Variants in PHTF2 observed in about 807,000 individuals in gnomAD.
PHTF2 encodes the protein putative homeodomain transcription factor 2.
A neutral mutation model predicts 101.2 loss-of-function variants in PHTF2; 60 were observed. The ratio of observed to expected loss-of-function variants is 0.59; its 90% CI spans 0.48 to 0.73. The LOEUF is 0.73. Ranked by LOEUF, PHTF2 falls within the 30% of genes least tolerant of loss-of-function variation. PHTF2 has a pLI of 0.00. For synonymous variants in PHTF2, 311 were observed against 307.3 expected (o/e 1.01, Z -0.13); for missense variants, 747 against 908.7 (o/e 0.82, Z 2.29).
At chr7:77,809,408 G>C (rs1793254940) in intron 1 of PHTF2, among the ~76,000 whole-genome samples, 2 of 151,902 alleles carry the variant, frequency 1.3e-5, no homozygotes, top group East Asian at 3.9e-4. Context: ...TGTATTTTTA[G>C]TAGAGATGGG....
intron 16 of PHTF2, among the ~76,000 whole-genome samples, chr7:77,947,826 C>CTTTCTTTT (rs1562976127): frequency 1.3e-4 from 11 of 86,938 alleles, no homozygotes; most frequent in Admixed American, 2.5e-4. Context: ...TTTCTTTTTT[C>CTTTCTTTT]TTTTTTCTTT....
chr7:77,825,900 A>G (rs1012875404), intron 1 of PHTF2, among the ~76,000 whole-genome samples: 1 of 152,206 alleles, frequency 6.6e-6, no homozygotes, highest in Non-Finnish European at 1.5e-5. Context: ...CTAGGTAAGA[A>G]TAGCTGATAT....
At chr7:77,892,163 G>A (rs1334353187) in intron 3 of PHTF2, among the ~76,000 whole-genome samples, 9 of 152,236 alleles carry the variant, frequency 5.9e-5, no homozygotes, top group Admixed American at 1.3e-4. Context: ...GGTGGCACGC[G>A]CCTGTAGCCC....
At chr7:77,873,022 C>G (rs941571025) in intron 3 of PHTF2, among the ~76,000 whole-genome samples, 1 of 152,090 alleles carries the variant, frequency 6.6e-6, no homozygotes, top group African/African-American at 2.4e-5. Context: ...CTCTGCCTCC[C>G]GGGTTCAAGC....
intron 3 of PHTF2, among the ~76,000 whole-genome samples, chr7:77,875,097 A>G (rs1798817761): frequency 6.6e-6 from 1 of 152,246 alleles, no homozygotes; most frequent in Non-Finnish European, 1.5e-5. Context: ...CACTTTGGCT[A>G]GTGCTGTATG....
chr7:77,904,826 G>A lies in PHTF2; in HGVS notation c.445+2906G>A, dbSNP rs1408666398. Among the ~76,000 whole-genome samples, 5 of 152,196 alleles carry A rather than the reference G, an allele frequency of 3.3e-5. No homozygotes were observed. In the East Asian group the frequency reaches 9.6e-4, roughly 29 times the overall value. On this transcript the variant is annotated intron_variant, in intron 7 of 19. Transcript: ENST00000416283. The stretch of plus-strand genomic sequence containing the variant: ...CATTTGTGTGGGGAGGATGAAAGGA[G>A]CACAGTTTAGTTCATAACAGGTATT...
At chr7:77,922,857 A>T in intron 11 of PHTF2, 79 bp downstream of exon 10, 8 of 1,265,074 alleles carry the variant, frequency 6.3e-6, no homozygotes, top group Non-Finnish European at 8.6e-6. Flanking sequence ...CAACAATTAA[A>T]AATTGTTGAA....
chr7:77,802,401 A>C (rs73138406), intron 1 of PHTF2, among the ~76,000 whole-genome samples: 2,844 of 152,320 alleles, frequency 0.019, 33 homozygotes, highest in Middle Eastern at 0.034. Flanking sequence ...ATTAAGACTC[A>C]AAGAAGAATT....
chr7:77,940,410 T>G (rs1216029521), intron 14 of PHTF2, 108 bp downstream of exon 13: 2 of 1,300,094 alleles, frequency 1.5e-6, no homozygotes, highest in Admixed American at 4.9e-5. Flanking sequence ...ACCTAATTAT[T>G]TTTTATTTTG....
intron 16 of PHTF2, among the ~76,000 whole-genome samples, chr7:77,947,833 CTTTCTTTTT>C (rs1562976203): frequency 9.0e-4 from 39 of 43,210 alleles, no homozygotes; most frequent in African/African-American, 3.6e-3. Flanking sequence ...TTTCTTTTTT[CTTTCTTTTT>C]TTTTTTTTTT....
At position 77,925,511 on chromosome 7, in the gene PHTF2, T is replaced by G. The variant is rs1328595723; in HGVS notation, c.1119+2733T>G. ...GTTTTTAGGGTTTTTTTTTTTTTTT[T>G]TTTTTTTTTTTTTTTGAGACAGAGT... On this transcript the variant is annotated intron_variant, in intron 11 of 19. Coordinates refer to ENST00000416283, the Ensembl canonical transcript of PHTF2. Among the ~76,000 whole-genome samples, 30 of 137,622 alleles carry G rather than the reference T, an allele frequency of 2.2e-4. 1 individual carries two copies. In the East Asian group the frequency reaches 3.7e-3, roughly 17 times the overall value. The allele number at this position is 137,622 out of a possible 152,430, so 90.3% of individuals were successfully genotyped here.
intron 8 of PHTF2, chr7:77,909,495 G>C (rs973079268): frequency 6.6e-6 from 1 of 151,884 alleles, no homozygotes; most frequent in African/African-American, 2.4e-5. Flanking sequence ...TGAGTAGCTG[G>C]GAATACAGGT....
chr7:77,879,430 C>G (rs1202213604), intron 3 of PHTF2, among the ~76,000 whole-genome samples: 1 of 152,098 alleles, frequency 6.6e-6, no homozygotes, highest in East Asian at 1.9e-4. Flanking sequence ...TTGGCTTCTT[C>G]CAGAAGTTGG....
chr7:77,888,676 A>G (rs544880717), intron 3 of PHTF2, among the ~76,000 whole-genome samples: 2 of 152,310 alleles, frequency 1.3e-5, no homozygotes, highest in South Asian at 2.1e-4. Flanking sequence ...TTTGTATGCC[A>G]TTTTTAAAAA....
At chr7:77,929,870 A>G (rs1410504856) in intron 12 of PHTF2, among the ~76,000 whole-genome samples, 1 of 152,086 alleles carries the variant, frequency 6.6e-6, no homozygotes, top group Non-Finnish European at 1.5e-5. Flanking sequence ...AATTAATGAA[A>G]TATTTTACAT....
Position 77,932,006 on chromosome 7 carries a change from A to G in PHTF2, c.1338+2679A>G, listed in dbSNP as rs141682573. ...TCCCAGCTACTCTGGAAGCTGAGGC[A>G]TAAGAATCACTTGAACCTGGGAGGC... is the stretch of plus-strand genomic sequence containing the variant. On this transcript the variant is annotated intron_variant, in intron 12 of 19. Coordinates refer to ENST00000416283, the Ensembl canonical transcript of PHTF2. Among the ~76,000 whole-genome samples, 632 of 152,314 alleles carry G rather than the reference A, an allele frequency of 4.1e-3. 1 individual carries two copies. The highest frequency in any genetic ancestry group is 7.6e-3 in the Non-Finnish European group (517 of 68,018).
At chr7:77,907,113 A>C (rs1801938874) in intron 7 of PHTF2, among the ~76,000 whole-genome samples, 2 of 152,148 alleles carry the variant, frequency 1.3e-5, no homozygotes, top group African/African-American at 4.8e-5. Flanking sequence ...AGGCTCAAAA[A>C]CATTAAAGAA....
chr7:77,890,158 A>C (rs1021873933), intron 3 of PHTF2, among the ~76,000 whole-genome samples: 2 of 152,024 alleles, frequency 1.3e-5, no homozygotes, highest in African/African-American at 4.8e-5. Flanking sequence ...AGGAATGTCT[A>C]TCCACCCACC....
At chr7:77,879,570 A>G (rs1486516407) in intron 3 of PHTF2, among the ~76,000 whole-genome samples, 2 of 152,162 alleles carry the variant, frequency 1.3e-5, no homozygotes, top group Non-Finnish European at 2.9e-5. Context: ...TCTGTCACAA[A>G]GATGGAATGT....
Sources: gnomAD v4.1 joint callset for allele counts (sites outside exome capture counted in the v4.1 genomes callset) on GRCh38, gnomAD v4.1.1 for gene constraint, MANE v1.5 for transcripts, NCBI Gene and HGNC (gene_info 2026-07-23, HGNC 2026-07-21) for gene names.